Variants in GLRB observed in about 807,000 individuals in gnomAD.
The protein encoded by GLRB is glycine receptor subunit beta.
Under a neutral mutation model 54.2 loss-of-function variants are expected in GLRB, and 33 were observed. The observed-to-expected ratio is 0.61, with a 90% CI of 0.46 to 0.81. The LOEUF is 0.81. GLRB is among the 40% of genes least tolerant of loss of function. GLRB has a pLI of 0.00. For synonymous variants in GLRB, 209 were observed against 208.2 expected (o/e 1.00, Z -0.03); for missense variants, 572 against 584.6 (o/e 0.98, Z 0.22).
chr4:157,122,500 G>A, intron 4 of GLRB, 103 bp downstream of exon 4: 1 of 482,852 alleles, frequency 2.1e-6, no homozygotes, highest in East Asian at 3.3e-5. Context: ...AATAATCCAT[G>A]CCCTTTCCTA....
intron 9 of GLRB, among the ~76,000 whole-genome samples, chr4:157,159,821 T>C (rs1737398803): frequency 1.3e-5 from 2 of 152,194 alleles, no homozygotes; most frequent in South Asian, 4.1e-4. Flanking sequence ...CTGCCAGGCT[T>C]TGGTATCAGG....
chr4:157,140,630 A>G (rs948786187), intron 7 of GLRB, among the ~76,000 whole-genome samples: 1 of 151,996 alleles, frequency 6.6e-6, no homozygotes, highest in African/African-American at 2.4e-5. Flanking sequence ...CATTGTACAC[A>G]TTAGGCTAAT....
intron 2 of GLRB, among the ~76,000 whole-genome samples, chr4:157,099,145 A>G (rs10471080): frequency 0.98 from 149,085 of 152,112 alleles, 73,144 homozygotes; most frequent in East Asian, 1. Flanking sequence ...GGCAAGCAAG[A>G]GGGTCATCCA....
chr4:157,139,310 C>T (rs940843119), intron 7 of GLRB, among the ~76,000 whole-genome samples: 2 of 151,998 alleles, frequency 1.3e-5, no homozygotes, highest in Non-Finnish European at 1.5e-5. Flanking sequence ...ACAATATAAT[C>T]CATATATGTT....
chr4:157,135,809 G>A (rs980683250), intron 4 of GLRB, among the ~76,000 whole-genome samples: 1 of 152,058 alleles, frequency 6.6e-6, no homozygotes, highest in Non-Finnish European at 1.5e-5. Context: ...AACGTTAAGT[G>A]GCTATCAGCC....
At chr4:157,084,867 C>T (rs767408352) in intron 2 of GLRB, 2 of 328,622 alleles carry the variant, frequency 6.1e-6, no homozygotes, top group Non-Finnish European at 1.2e-5. Flanking sequence ...AGTATAATTC[C>T]AGTTTCTTAC....
chr4:157,119,677 CAAT>C (rs1194266693), intron 2 of GLRB, among the ~76,000 whole-genome samples: 1 of 151,694 alleles, frequency 6.6e-6, no homozygotes, highest in Non-Finnish European at 1.5e-5. Context: ...TTGAAAACCA[CAAT>C]GAGATACCAT....
At chr4:157,164,612 T>A (rs1737642139) in intron 9 of GLRB, among the ~76,000 whole-genome samples, 1 of 152,148 alleles carries the variant, frequency 6.6e-6, no homozygotes, top group African/African-American at 2.4e-5. Flanking sequence ...GTAGTAACAA[T>A]ACTAATAAGC....
At chr4:157,084,503 C>G (rs1284882639) in intron 2 of GLRB, among the ~76,000 whole-genome samples, 1 of 152,152 alleles carries the variant, frequency 6.6e-6, no homozygotes, top group Non-Finnish European at 1.5e-5. Context: ...TGTTGGAACT[C>G]TAGCTTTAAA....
rs529837532 is a variant in GLRB, at chr4:157,136,484, A to T, written c.313A>T (p.Ile105Phe). 1 of 1,602,046 alleles carries T rather than the reference A, an allele frequency of 6.2e-7. No individual in the cohort carries two copies. The highest frequency in any genetic ancestry group is 1.1e-5 in the South Asian group (1 of 90,894). Residue 105 changes from isoleucine to phenylalanine, a missense_variant, in exon 5 of 10, where the codon ATC (isoleucine) becomes TTC (phenylalanine). By Grantham distance (21) the Ile-to-Phe change is conservative. Coordinates refer to ENST00000264428, the MANE Select transcript of GLRB (RefSeq NM_000824.5). ...TTTTCTTCAGGACTATAGAGTTAAC[A>T]TCTTCCTGAGACAAAAATGGAATGA... is the stretch of plus-strand genomic sequence containing the variant. ...QETTMDYRVN[I>F]FLRQKWNDPR...
At chr4:157,088,799 C>CT (rs1734503151) in intron 2 of GLRB, among the ~76,000 whole-genome samples, 2 of 152,076 alleles carry the variant, frequency 1.3e-5, no homozygotes, top group African/African-American at 2.4e-5. Flanking sequence ...TTCTTTGGCT[C>CT]TTTTTTTCCT....
chr4:157,170,352 A>G (rs1009447490), intron 9 of GLRB, 80 bp from the exon 10 acceptor site: 9 of 830,980 alleles, frequency 1.1e-5, no homozygotes, highest in Middle Eastern at 3.1e-4. Context: ...GAAACTAGCA[A>G]TTTTAAAAAT....
chr4:157,163,824 G>A (rs1269335989), intron 9 of GLRB, among the ~76,000 whole-genome samples: 4 of 146,800 alleles, frequency 2.7e-5, no homozygotes, highest in African/African-American at 1.1e-4. Context: ...TAGTCTGTCT[G>A]TGTGAGTGTG....
chr4:157,116,162 A>C (rs1345428607), intron 2 of GLRB, among the ~76,000 whole-genome samples: 1 of 151,162 alleles, frequency 6.6e-6, no homozygotes, highest in Non-Finnish European at 1.5e-5. Context: ...ACAGCTATAC[A>C]GTCTGACACA....
Position 157,147,933 on chromosome 4 carries a change from G to A in GLRB, c.904+3974G>A, listed in dbSNP as rs79830067. Among the ~76,000 whole-genome samples, 1,081 of 152,264 alleles carry A rather than the reference G, an allele frequency of 7.1e-3. 11 individuals are homozygous for A. The highest frequency in any genetic ancestry group is 0.025 in the African/African-American group (1,021 of 41,546). On this transcript the variant is annotated intron_variant, in intron 8 of 9. Coordinates refer to ENST00000264428, the MANE Select transcript of GLRB (RefSeq NM_000824.5). The stretch of plus-strand genomic sequence containing the variant: ...AGCCATAGACAATATATAACTGAAC[G>A]AGTATGGATGTGTTAAACAAAACTT...
chr4:157,097,007 G>C (rs1432330193), intron 2 of GLRB, among the ~76,000 whole-genome samples: 1 of 152,142 alleles, frequency 6.6e-6, no homozygotes, highest in Non-Finnish European at 1.5e-5. Flanking sequence ...TTGGTTTTAA[G>C]TTTTAGTTTG....
chr4:157,120,007 G>C (rs1735746986), intron 2 of GLRB, among the ~76,000 whole-genome samples: 1 of 151,728 alleles, frequency 6.6e-6, no homozygotes, highest in Admixed American at 6.6e-5. Flanking sequence ...TGATAGGCTG[G>C]ATTAAGAAAA....
At chr4:157,132,196 A>G (rs79041336) in intron 4 of GLRB, among the ~76,000 whole-genome samples, 3,023 of 151,814 alleles carry the variant, frequency 0.02, 45 homozygotes, top group Non-Finnish European at 0.029. Flanking sequence ...TGTCATCTGT[A>G]TATATTCTTT....
intron 2 of GLRB, among the ~76,000 whole-genome samples, chr4:157,089,995 TCTC>T (rs1036389580): frequency 2.0e-5 from 3 of 152,154 alleles, no homozygotes; most frequent in African/African-American, 2.4e-5. Context: ...TCTAGCTACT[TCTC>T]CTCATCTCTG....
Sources: gnomAD v4.1 joint callset for allele counts (sites outside exome capture counted in the v4.1 genomes callset) on GRCh38, gnomAD v4.1.1 for gene constraint, MANE v1.5 for transcripts, NCBI Gene and HGNC (gene_info 2026-07-23, HGNC 2026-07-21) for gene names.